The following RBFOX3 variants were observed in gnomAD, a reference collection of about 807,000 sequenced individuals.
RBFOX3 encodes the protein RNA binding protein fox-1 homolog 3.
A neutral mutation model predicts 48.7 loss-of-function variants in RBFOX3; 17 were observed. The ratio of observed to expected loss-of-function variants is 0.35; its 90% CI spans 0.24 to 0.52. The LOEUF is 0.52. RBFOX3 is among the 20% of genes least tolerant of loss of function. The probability of loss-of-function intolerance (pLI) is 0.94; values close to 1 mark genes in which losing one functional copy is unlikely to be tolerated. For missense variants in RBFOX3, 382 were observed against 497.5 expected (o/e 0.77, Z 2.21); for synonymous variants, 212 against 209.5 (o/e 1.01, Z -0.10).
At chr17:79,257,027 C>T (rs902010684) in intron 3 of RBFOX3, among the ~76,000 whole-genome samples, 1 of 152,128 alleles carries the variant, frequency 6.6e-6, no homozygotes, top group Non-Finnish European at 1.5e-5. Flanking sequence ...AACTGGTGGA[C>T]TCCTGCTGTC....
intron 4 of RBFOX3, among the ~76,000 whole-genome samples, chr17:79,221,552 T>C (rs561814669): frequency 3.5e-4 from 53 of 152,334 alleles, no homozygotes; most frequent in African/African-American, 1.3e-3. Flanking sequence ...CCCAGGACTT[T>C]CCTTCCCTGG....
chr17:79,467,970 C>T lies in RBFOX3; in HGVS notation c.-175+14484G>A, dbSNP rs537095660. 2.0e-4 allele frequency among the ~76,000 whole-genome samples: 31 copies of T among 152,152 alleles called. No homozygotes were observed. The South Asian group carries it at 4.6e-3, about 22-fold the overall frequency. On this transcript the variant is annotated intron_variant, in intron 2 of 14. Transcript: ENST00000693108. ...GCCACAGGTATGAGAACCCAGGAGA[C>T]GGTTCTTCTCCAACACCCGAGGCAG... is the stretch of plus-strand genomic sequence containing the variant.
intron 2 of RBFOX3, among the ~76,000 whole-genome samples, chr17:79,387,890 AAG>A (rs1359564198): frequency 2.7e-5 from 4 of 150,800 alleles, no homozygotes; most frequent in African/African-American, 7.3e-5. Context: ...GCACATGTGC[AAG>A]AGTGTGTGAT....
chr17:79,246,976 G>A (rs527873592), intron 3 of RBFOX3, among the ~76,000 whole-genome samples: 7 of 152,276 alleles, frequency 4.6e-5, no homozygotes, highest in South Asian at 2.1e-4. Context: ...AGATGAGCGC[G>A]TTTCATTATC....
intron 1 of RBFOX3, among the ~76,000 whole-genome samples, chr17:79,589,486 C>T (rs1243978448): frequency 1.3e-5 from 2 of 152,172 alleles, no homozygotes; most frequent in Non-Finnish European, 2.9e-5. Flanking sequence ...CTGAGAAGAC[C>T]CTGTCTCTAA....
chr17:79,581,468 T>C (rs1047500663), intron 1 of RBFOX3, among the ~76,000 whole-genome samples: 44 of 152,330 alleles, frequency 2.9e-4, no homozygotes, highest in African/African-American at 1.0e-3. Context: ...GAAGATGGAA[T>C]GAAGCCAGAG....
At chr17:79,150,060 T>TGGAGGGTGGGGGG (rs1568231786) in intron 4 of RBFOX3, among the ~76,000 whole-genome samples, 1 of 2,308 alleles carries the variant, frequency 4.3e-4, no homozygotes, top group East Asian at 0.014. Flanking sequence ...GGGATGGGGG[T>TGGAGGGTGGGGGG]TGAGGGTGGG....
intron 1 of RBFOX3, among the ~76,000 whole-genome samples, chr17:79,575,246 T>C (rs2092819705): frequency 1.3e-5 from 2 of 152,056 alleles, no homozygotes; most frequent in African/African-American, 4.8e-5. Flanking sequence ...CAAGGACAGG[T>C]ATGAAACGCT....
intron 1 of RBFOX3, among the ~76,000 whole-genome samples, chr17:79,518,289 G>C (rs2085540845): frequency 6.6e-6 from 1 of 152,206 alleles, no homozygotes; most frequent in African/African-American, 2.4e-5. Context: ...CAGTGAAAGT[G>C]ATCTATCACT....
intron 1 of RBFOX3, among the ~76,000 whole-genome samples, chr17:79,497,111 C>T (rs748916180): frequency 5.3e-5 from 8 of 152,146 alleles, no homozygotes; most frequent in African/African-American, 1.9e-4. Context: ...GGGTCCACCC[C>T]CTGCATGGCA....
At chr17:79,156,772 T>C (rs1306317966) in intron 4 of RBFOX3, among the ~76,000 whole-genome samples, 2 of 152,160 alleles carry the variant, frequency 1.3e-5, no homozygotes, top group African/African-American at 4.8e-5. Flanking sequence ...CTGGGCTGGC[T>C]GGCCGGCCCC....
chr17:79,102,641 T>C (rs751513839), intron 8 of RBFOX3, among the ~76,000 whole-genome samples: 4 of 152,188 alleles, frequency 2.6e-5, no homozygotes. Flanking sequence ...CTGCTCCTCC[T>C]TGGGGCCTGG....
intron 3 of RBFOX3, among the ~76,000 whole-genome samples, chr17:79,287,552 C>T (rs892256924): frequency 6.6e-6 from 1 of 152,208 alleles, no homozygotes; most frequent in African/African-American, 2.4e-5. Flanking sequence ...GATTCTCCAA[C>T]CAGTGCTCTG....
chr17:79,142,750 T>C (rs1293548059), intron 4 of RBFOX3, among the ~76,000 whole-genome samples: 3 of 152,094 alleles, frequency 2.0e-5, no homozygotes, highest in East Asian at 3.9e-4. Context: ...TCTTACGAAG[T>C]TGTTGAAAGA....
chr17:79,378,062 T>C (rs937962936), intron 2 of RBFOX3, among the ~76,000 whole-genome samples: 3 of 152,128 alleles, frequency 2.0e-5, no homozygotes, highest in Admixed American at 2.0e-4. Context: ...AGGAAGCGGA[T>C]TGTGAAGGCA....
At chr17:79,097,608 T>TCATGCCCCGCCCCC in intron 10 of RBFOX3, 84 bp downstream of exon 10, 1 of 488,896 alleles carries the variant, frequency 2.0e-6, no homozygotes. Context: ...GCCCCGCCCC[T>TCATGCCCCGCCCCC]CATGCCCCGC....
chr17:79,219,084 C>T (rs139801679), intron 4 of RBFOX3, among the ~76,000 whole-genome samples: 1 of 152,328 alleles, frequency 6.6e-6, no homozygotes, highest in Non-Finnish European at 1.5e-5. Context: ...CGGGGTCAGG[C>T]CCTCCCAGTG....
At chr17:79,133,639 A>G (rs1025904863) in intron 4 of RBFOX3, among the ~76,000 whole-genome samples, 2 of 152,144 alleles carry the variant, frequency 1.3e-5, no homozygotes, top group Non-Finnish European at 2.9e-5. Flanking sequence ...TCCTTGCTCA[A>G]GTCCTGCTGA....
chr17:79,164,257 G>A (rs1353294684), intron 4 of RBFOX3, among the ~76,000 whole-genome samples: 1 of 152,236 alleles, frequency 6.6e-6, no homozygotes, highest in African/African-American at 2.4e-5. Flanking sequence ...AAGTGCAGCT[G>A]CTCTTCAGGA....
Sources: gnomAD v4.1 joint callset for allele counts (sites outside exome capture counted in the v4.1 genomes callset) on GRCh38, gnomAD v4.1.1 for gene constraint, MANE v1.5 for transcripts, NCBI Gene and HGNC (gene_info 2026-07-23, HGNC 2026-07-21) for gene names.